Variants in SGCZ observed in about 807,000 individuals in gnomAD.
SGCZ encodes zeta-sarcoglycan.
SGCZ carries 40 observed loss-of-function variants against 41.3 expected under a neutral mutation model. The observed-to-expected ratio is 0.97, with a 90% CI of 0.75 to 1.26. SGCZ has a LOEUF of 1.26. Ranked by LOEUF, SGCZ falls within the 50% of genes most tolerant of loss-of-function variation. The pLI is 0.00. For missense variants in SGCZ, 552 were observed against 369.8 expected, an observed-to-expected ratio of 1.49 and a Z score of -4.04; for synonymous variants, 206 against 137.5, an observed-to-expected ratio of 1.50 and a Z score of -3.49.
chr8:14,257,989 T>C (rs973556103), intron 3 of SGCZ, among the ~76,000 whole-genome samples: 2 of 152,088 alleles, frequency 1.3e-5, no homozygotes, highest in African/African-American at 4.8e-5. Context: ...TCGAAGCAAA[T>C]GAAATGTCGG....
intron 1 of SGCZ, among the ~76,000 whole-genome samples, chr8:14,641,148 T>A (rs770151285): frequency 2.6e-5 from 4 of 151,632 alleles, no homozygotes; most frequent in Non-Finnish European, 5.9e-5. Context: ...AAAGACTCTT[T>A]CCCCAAATCA....
chr8:14,389,253 T>C (rs28550018), intron 2 of SGCZ, among the ~76,000 whole-genome samples: 5,713 of 151,916 alleles, frequency 0.038, 305 homozygotes, highest in African/African-American at 0.12. Context: ...GAGAGTATAA[T>C]TTGAAAAGTT....
chr8:14,484,575 G>T (rs1275237558), intron 2 of SGCZ, among the ~76,000 whole-genome samples: 1 of 152,100 alleles, frequency 6.6e-6, no homozygotes, highest in Non-Finnish European at 1.5e-5. Context: ...TCCTGGTATG[G>T]AAAAAGATAG....
At chr8:14,311,755 C>T (rs989614948) in intron 3 of SGCZ, among the ~76,000 whole-genome samples, 2 of 151,970 alleles carry the variant, frequency 1.3e-5, no homozygotes, top group African/African-American at 4.8e-5. Context: ...ATATACGAAT[C>T]ATTCATTCAC....
At chr8:14,861,318 T>C (rs1803739474) in intron 1 of SGCZ, among the ~76,000 whole-genome samples, 1 of 152,138 alleles carries the variant, frequency 6.6e-6, no homozygotes, top group Admixed American at 6.6e-5. Flanking sequence ...AGGTCCTTCC[T>C]GAAATTGAAG....
chr8:14,324,311 T>C (rs753349178), intron 2 of SGCZ, 107 bp from the exon 3 acceptor site: 52 of 774,606 alleles, frequency 6.7e-5, no homozygotes, highest in Non-Finnish European at 1.0e-4. Context: ...AAATCAGTGA[T>C]GATTTAAGGA....
At chr8:14,810,299 G>T (rs553659294) in intron 1 of SGCZ, among the ~76,000 whole-genome samples, 3 of 152,102 alleles carry the variant, frequency 2.0e-5, no homozygotes, top group South Asian at 4.2e-4. Flanking sequence ...GTGTTTGTTA[G>T]CCTGAAGTAA....
chr8:14,445,897 C>G (rs1800418386), intron 2 of SGCZ, among the ~76,000 whole-genome samples: 1 of 152,186 alleles, frequency 6.6e-6, no homozygotes, highest in Admixed American at 6.5e-5. Context: ...CTCACTAACT[C>G]ATGCCTGATC....
chr8:14,176,618 C>A (rs1804550262), intron 4 of SGCZ, among the ~76,000 whole-genome samples: 1 of 152,108 alleles, frequency 6.6e-6, no homozygotes, highest in African/African-American at 2.4e-5. Flanking sequence ...AATATAAATT[C>A]TCAAAATGTA....
At chr8:14,876,581 G>A (rs207468970) in intron 1 of SGCZ, among the ~76,000 whole-genome samples, 7 of 152,160 alleles carry the variant, frequency 4.6e-5, no homozygotes, top group African/African-American at 1.7e-4. Context: ...AAATTTGATG[G>A]TGTATGAAAT....
At chr8:14,519,969 T>G (rs1019149277) in intron 2 of SGCZ, among the ~76,000 whole-genome samples, 6 of 152,140 alleles carry the variant, frequency 3.9e-5, no homozygotes, top group Non-Finnish European at 8.8e-5. Flanking sequence ...ATTCAATAAG[T>G]GCTGATTGTA....
intron 5 of SGCZ, among the ~76,000 whole-genome samples, chr8:14,123,542 C>T (rs1234348409): frequency 2.0e-5 from 3 of 152,218 alleles, no homozygotes; most frequent in Admixed American, 6.5e-5. Flanking sequence ...ATTAATAGTT[C>T]ACATCCAGAG....
At chr8:14,435,673 G>A (rs549541968) in intron 2 of SGCZ, among the ~76,000 whole-genome samples, 39 of 152,216 alleles carry the variant, frequency 2.6e-4, no homozygotes, top group African/African-American at 9.1e-4. Flanking sequence ...TCAAAAGACT[G>A]GCATTAGATG....
intron 1 of SGCZ, among the ~76,000 whole-genome samples, chr8:14,993,830 A>G (rs1802112059): frequency 6.6e-6 from 1 of 152,130 alleles, no homozygotes; most frequent in Non-Finnish European, 1.5e-5. Context: ...CTCTGTTGGG[A>G]TTTTTGCTTT....
chr8:14,929,678 G>A (rs1248313255), intron 1 of SGCZ, among the ~76,000 whole-genome samples: 3 of 152,152 alleles, frequency 2.0e-5, no homozygotes, highest in South Asian at 2.1e-4. Flanking sequence ...AAGGCCCTTT[G>A]TTATGTCAGA....
chr8:14,160,818 G>A (rs12545743), intron 5 of SGCZ, among the ~76,000 whole-genome samples: 53,098 of 151,924 alleles, frequency 0.35, 9,489 homozygotes, highest in Middle Eastern at 0.46. Flanking sequence ...GCTACGCTAG[G>A]TCTGTGAATC....
At chr8:14,137,314 G>A (rs1803229819) in intron 5 of SGCZ, among the ~76,000 whole-genome samples, 2 of 152,226 alleles carry the variant, frequency 1.3e-5, no homozygotes, top group South Asian at 2.1e-4. Flanking sequence ...GAACAAAGAT[G>A]GGCGGAGAAT....
At chr8:14,968,100 G>T (rs140749295) in intron 1 of SGCZ, among the ~76,000 whole-genome samples, 1 of 152,050 alleles carries the variant, frequency 6.6e-6, no homozygotes, top group African/African-American at 2.4e-5. Context: ...TGGCCATTTT[G>T]GTGTCTCATC....
intron 1 of SGCZ, among the ~76,000 whole-genome samples, chr8:14,794,801 A>G (rs1183683548): frequency 6.6e-6 from 1 of 152,228 alleles, no homozygotes; most frequent in Non-Finnish European, 1.5e-5. Context: ...AAATCTGATC[A>G]TATTCAAAGA....
Sources: gnomAD v4.1 joint callset for allele counts (sites outside exome capture counted in the v4.1 genomes callset) on GRCh38, gnomAD v4.1.1 for gene constraint, MANE v1.5 for transcripts, NCBI Gene and HGNC (gene_info 2026-07-23, HGNC 2026-07-21) for gene names.